Variants in HDAC1 observed in about 807,000 individuals in gnomAD.
The protein encoded by HDAC1 is histone deacetylase 1, also known as protein deacetylase HDAC1.
A neutral mutation model predicts 65.5 loss-of-function variants in HDAC1; 18 were observed. That is an observed-to-expected ratio of 0.27 (90% confidence interval 0.19 to 0.41). The LOEUF (loss-of-function observed/expected upper bound fraction) is 0.41. Ranked by LOEUF, HDAC1 falls within the 10% of genes least tolerant of loss-of-function variation. The pLI, the probability that HDAC1 is intolerant of heterozygous loss-of-function variation, is 1.00. For missense variants in HDAC1, 373 were observed against 625.2 expected (o/e 0.60, Z 4.30); for synonymous variants, 211 against 227.9 (o/e 0.93, Z 0.67).
intron 3 of HDAC1, among the ~76,000 whole-genome samples, chr1:32,319,629 G>A (rs1641112750): frequency 6.6e-6 from 1 of 152,106 alleles, no homozygotes; most frequent in South Asian, 2.1e-4. Context: ...GGACATGGTA[G>A]CATGCACCTG....
At chr1:32,300,088 A>G (rs1640826706) in intron 1 of HDAC1, among the ~76,000 whole-genome samples, 1 of 152,058 alleles carries the variant, frequency 6.6e-6, no homozygotes, top group Non-Finnish European at 1.5e-5. Flanking sequence ...AATCCAATGT[A>G]GCTTTTAGCA....
chr1:32,296,474 C>G (rs958219364), intron 1 of HDAC1, among the ~76,000 whole-genome samples: 10 of 152,162 alleles, frequency 6.6e-5, no homozygotes, highest in African/African-American at 2.2e-4. Context: ...AAGCAGTCCT[C>G]CCACCTCAGC....
In HDAC1 at chr1:32,321,241, AAATAAT is replaced by A. The variant is rs890596466; in HGVS notation, c.281-3227_281-3222del. 8.6e-5 allele frequency among the ~76,000 whole-genome samples: 13 copies of A among 151,586 alleles called. No homozygotes were observed. The South Asian group carries it at 1.2e-3, about 15-fold the overall frequency. On this transcript the variant is annotated intron_variant, in intron 3 of 13. Transcript: ENST00000373548. ...GCAAGACTCTGTCTCAAAAAAAAAA[AAATAAT>A]AATAATAATATAATGAACATCCATG...
Position 32,331,433 on chromosome 1 carries a change from T to C in HDAC1, c.980-41T>C, listed in dbSNP as rs1301165186. The C allele has an allele frequency of 1.7e-6, 2 of 1,152,630 alleles. No homozygotes were observed. Among genetic ancestry groups the C allele is most frequent in the East Asian group, 4.7e-5 (2 of 42,698 alleles). 71.4% of individuals were successfully genotyped at this position (1,152,630 alleles called of 1,614,324 possible). A position where few individuals can be genotyped will look rare whatever the true frequency, so the allele number is the denominator to read the frequency against. ...TTACGTGCAAATGGTTAGGGTGCGG[T>C]GGCCAGGTCTCTTGACGGTCTTCTC... On this transcript the variant is annotated intron_variant, in intron 9 of 13. Transcript: ENST00000373548. This position sits in a 1 kb window ranked among gnomAD's most constrained non-coding sequence, Gnocchi z 4.2.
chr1:32,314,825 CA>C (rs34315355), intron 2 of HDAC1, among the ~76,000 whole-genome samples: 1,668 of 64,216 alleles, frequency 0.026, 16 homozygotes, highest in African/African-American at 0.05. Context: ...GACTCCGTCT[CA>C]AAAAAAAAAA....
intron 2 of HDAC1, among the ~76,000 whole-genome samples, chr1:32,315,205 G>T (rs140034919): frequency 6.6e-6 from 1 of 152,178 alleles, no homozygotes; most frequent in Non-Finnish European, 1.5e-5. Flanking sequence ...GGAAGTGTTA[G>T]TGGGGAGGAT....
intron 4 of HDAC1, among the ~76,000 whole-genome samples, chr1:32,326,030 A>G (rs1293853317): frequency 6.6e-6 from 1 of 152,070 alleles, no homozygotes; most frequent in Non-Finnish European, 1.5e-5. Flanking sequence ...CCATCTCAAA[A>G]AACAACAACA....
chr1:32,311,184 C>A (rs1422705854), intron 2 of HDAC1, among the ~76,000 whole-genome samples: 1 of 151,960 alleles, frequency 6.6e-6, no homozygotes, highest in Non-Finnish European at 1.5e-5. Context: ...TGATTCTTGC[C>A]TGGTGTGGTG....
Position 32,318,909 on chromosome 1 carries a change from G to A in HDAC1, c.280+2127G>A, listed in dbSNP as rs750786984. On this transcript the variant is annotated intron_variant, in intron 3 of 13. Transcript: ENST00000373548. ...TGAGGCAAGCAGATCACCTGGGGTC[G>A]GGAGTTTGAGACCAGCCTGGCCAAC... Among the ~76,000 whole-genome samples, 15 of 151,728 alleles carry A rather than the reference G, an allele frequency of 9.9e-5. No homozygotes were observed. In the East Asian group the frequency reaches 1.2e-3, roughly 12 times the overall value.
At chr1:32,294,715 C>T (rs1048037808) in intron 1 of HDAC1, among the ~76,000 whole-genome samples, 3 of 151,612 alleles carry the variant, frequency 2.0e-5, no homozygotes, top group Non-Finnish European at 2.9e-5. Flanking sequence ...AGGGTTTCAC[C>T]GTGTTAGCCA....
intron 3 of HDAC1, among the ~76,000 whole-genome samples, chr1:32,322,449 A>G (rs908006340): frequency 4.6e-5 from 7 of 152,004 alleles, no homozygotes; most frequent in African/African-American, 1.7e-4. Flanking sequence ...TTGTATTTTT[A>G]GTAGAGACGG....
chr1:32,301,366 A>C (rs1640845610), intron 1 of HDAC1, among the ~76,000 whole-genome samples: 2 of 152,144 alleles, frequency 1.3e-5, no homozygotes. Context: ...GAATGGCGTG[A>C]ACCCTGGAGG....
chr1:32,329,311 A>C lies in HDAC1; in HGVS notation c.729+151A>C. The C allele has an allele frequency of 3.1e-6, 2 of 654,752 alleles. No homozygotes were observed. The highest frequency in any genetic ancestry group is 3.3e-5 in the South Asian group (2 of 60,230). 40.6% of individuals were successfully genotyped at this position (654,752 alleles called of 1,614,324 possible). On this transcript the variant is annotated intron_variant, in intron 7 of 13. Transcript: ENST00000373548. The surrounding 1 kb of genome is among the most constrained non-coding windows in gnomAD (Gnocchi z 4.1). ...TTGAACCCTGGATTGCTGTGTGGTCAGTTAGGGGAACAAACACCCATATTT... is the reference window on the plus strand; with the variant it reads ...TTGAACCCTGGATTGCTGTGTGGTCCGTTAGGGGAACAAACACCCATATTT...
At chr1:32,297,581 A>G (rs1365080292) in intron 1 of HDAC1, among the ~76,000 whole-genome samples, 2 of 152,060 alleles carry the variant, frequency 1.3e-5, no homozygotes, top group African/African-American at 4.8e-5. Flanking sequence ...GAAAAAGTAC[A>G]AAGACCTCAG....
At chr1:32,332,466 C>T (rs765569285) in intron 12 of HDAC1, among the ~76,000 whole-genome samples, 3 of 152,242 alleles carry the variant, frequency 2.0e-5, no homozygotes, top group Non-Finnish European at 4.4e-5. Flanking sequence ...TTTCCCAGCA[C>T]TGCACCCCAG....
intron 1 of HDAC1, among the ~76,000 whole-genome samples, chr1:32,299,406 ACAAACAAAAACAT>A (rs1640815440): frequency 6.6e-6 from 1 of 152,026 alleles, no homozygotes; most frequent in Admixed American, 6.6e-5. Flanking sequence ...CTACAAACAA[ACAAACAAAAACAT>A]CAAACAAAAA....
At chr1:32,324,115 G>GA (rs963555181) in intron 3 of HDAC1, among the ~76,000 whole-genome samples, 8 of 148,674 alleles carry the variant, frequency 5.4e-5, no homozygotes, top group East Asian at 3.9e-4. Context: ...AAAAAAAAAA[G>GA]AAAAAAAAAT....
intron 3 of HDAC1, among the ~76,000 whole-genome samples, chr1:32,323,118 T>C (rs887507901): frequency 1.3e-5 from 2 of 152,006 alleles, no homozygotes; most frequent in African/African-American, 4.8e-5. Flanking sequence ...CTGGCCAACA[T>C]GGTGAAACCC....
intron 3 of HDAC1, among the ~76,000 whole-genome samples, chr1:32,317,908 A>C (rs1641086340): frequency 6.6e-6 from 1 of 152,162 alleles, no homozygotes; most frequent in South Asian, 2.1e-4. Flanking sequence ...ATAAGCTTTC[A>C]TGTCTTAGTT....
Sources: gnomAD v4.1 joint callset for allele counts (sites outside exome capture counted in the v4.1 genomes callset) on GRCh38, gnomAD v4.1.1 for gene constraint, Gnocchi (gnomAD v3.1) non-coding constraint, MANE v1.5 for transcripts, NCBI Gene and HGNC (gene_info 2026-07-23, HGNC 2026-07-21) for gene names.